TRAPPC9: variants seen among roughly 807,000 people sequenced by gnomAD.
The protein encoded by TRAPPC9 is IKK2 binding protein.
Under a neutral mutation model 124.0 loss-of-function variants are expected in TRAPPC9, and 83 were observed. That is an observed-to-expected ratio of 0.67 (90% CI 0.56 to 0.80). TRAPPC9 has a LOEUF of 0.80. TRAPPC9 is among the 30% of genes least tolerant of loss of function. The pLI is 0.00. For missense variants in TRAPPC9, 1,302 were observed against 1,508.3 expected (o/e 0.86, Z 2.27); for synonymous variants, 638 against 617.5 (o/e 1.03, Z -0.49).
At chr8:140,034,175 G>A (rs1840732622) in intron 17 of TRAPPC9, among the ~76,000 whole-genome samples, 1 of 152,078 alleles carries the variant, frequency 6.6e-6, no homozygotes, top group Admixed American at 6.5e-5. Context: ...CACAAGACTT[G>A]GCACAAAGCA....
chr8:140,354,245 C>T (rs2067672929), intron 9 of TRAPPC9, among the ~76,000 whole-genome samples: 1 of 152,186 alleles, frequency 6.6e-6, no homozygotes, highest in African/African-American at 2.4e-5. Flanking sequence ...TTTGCATGCA[C>T]AACCCATGAG....
At chr8:139,800,549 C>T (rs1035050113) in intron 21 of TRAPPC9, among the ~76,000 whole-genome samples, 2 of 152,216 alleles carry the variant, frequency 1.3e-5, no homozygotes, top group African/African-American at 4.8e-5. Context: ...AGAGCAAGTG[C>T]CCCTCCCGGG....
At chr8:140,184,669 G>A (rs975768112) in intron 17 of TRAPPC9, among the ~76,000 whole-genome samples, 3 of 151,982 alleles carry the variant, frequency 2.0e-5, no homozygotes, top group East Asian at 3.9e-4. Context: ...GGCTGGCCTC[G>A]ACCTCCTGAC....
chr8:140,407,150 A>C (rs954659931), intron 5 of TRAPPC9, among the ~76,000 whole-genome samples: 4 of 152,212 alleles, frequency 2.6e-5, no homozygotes, highest in Admixed American at 6.5e-5. Flanking sequence ...CCATCTCTGC[A>C]GGGGAGGAGA....
Position 139,962,265 on chromosome 8 carries a change from G to A in TRAPPC9, c.2810+26461C>T, listed in dbSNP as rs890670657. 1.2e-4 allele frequency among the ~76,000 whole-genome samples: 15 copies of A among 124,324 alleles called. 6 individuals carry two copies. Among genetic ancestry groups the A allele is most frequent in the Non-Finnish European group, 2.1e-4 (11 of 52,236 alleles). The allele number at this position is 124,324 out of a possible 152,430, so 81.6% of individuals were successfully genotyped here. A position where few individuals can be genotyped will look rare whatever the true frequency, so the allele number is the denominator to read the frequency against. On this transcript the variant is annotated intron_variant, in intron 19 of 22. Coordinates refer to ENST00000438773, the MANE Select transcript of TRAPPC9 (RefSeq NM_001160372.4). Reference sequence around the variant, plus strand: ...CGCAGAGATTTCCGGGAAGAAAATCGGCACTCCAAAGATCCCAAGATCCCA... The same window carrying A: ...CGCAGAGATTTCCGGGAAGAAAATCAGCACTCCAAAGATCCCAAGATCCCA...
chr8:140,313,527 C>T (rs890452168), intron 9 of TRAPPC9, among the ~76,000 whole-genome samples: 2 of 152,182 alleles, frequency 1.3e-5, no homozygotes, highest in African/African-American at 4.8e-5. Flanking sequence ...CGTGTTTGTG[C>T]TTTAGGTCTG....
chr8:140,128,539 C>T (rs1449108568), intron 17 of TRAPPC9, among the ~76,000 whole-genome samples: 1 of 152,220 alleles, frequency 6.6e-6, no homozygotes, highest in Non-Finnish European at 1.5e-5. Flanking sequence ...CTGGGTGAGG[C>T]AAATTCATTC....
intron 12 of TRAPPC9, among the ~76,000 whole-genome samples, chr8:140,288,400 G>C (rs1370783310): frequency 2.0e-5 from 3 of 152,226 alleles, no homozygotes; most frequent in Non-Finnish European, 4.4e-5. Context: ...ACATCTGTGA[G>C]TTATCAACTT....
At chr8:139,765,632 C>T (rs574197195) in intron 21 of TRAPPC9, among the ~76,000 whole-genome samples, 247 of 152,250 alleles carry the variant, frequency 1.6e-3, no homozygotes, top group African/African-American at 5.3e-3. Context: ...TGGCAGGCTC[C>T]AGAGGCCCTT....
At chr8:140,139,673 C>T (rs1286117357) in intron 17 of TRAPPC9, among the ~76,000 whole-genome samples, 10 of 152,084 alleles carry the variant, frequency 6.6e-5, no homozygotes, top group Non-Finnish European at 1.2e-4. Flanking sequence ...AAGTACTCAT[C>T]GTACAAAGCC....
chr8:140,271,671 C>T (rs2064887770), intron 15 of TRAPPC9, among the ~76,000 whole-genome samples: 1 of 152,184 alleles, frequency 6.6e-6, no homozygotes, highest in Non-Finnish European at 1.5e-5. Flanking sequence ...CGGGGAAAAG[C>T]AAATTGAAAC....
intron 21 of TRAPPC9, among the ~76,000 whole-genome samples, chr8:139,838,693 C>T (rs934491065): frequency 1.3e-5 from 2 of 152,212 alleles, no homozygotes; most frequent in African/African-American, 4.8e-5. Context: ...AGGAGGCCTG[C>T]CAGCCTCTGG....
chr8:140,110,216 T>A lies in TRAPPC9; in HGVS notation c.2557-86137A>T, dbSNP rs2060739165. On this transcript the variant is annotated intron_variant, in intron 17 of 22. Transcript: ENST00000438773. ...CAGCTCCCCCATGCACCCCCTGTGG[T>A]AGCTCCCCCTACAGCAGCTCCCCCT... Among the ~76,000 whole-genome samples, 4 of 103,540 alleles carry A rather than the reference T, an allele frequency of 3.9e-5. No homozygotes were observed. In the Admixed American group the frequency reaches 4.0e-4, roughly 10 times the overall value. 67.9% of individuals were successfully genotyped at this position (103,540 alleles called of 152,430 possible). A position where few individuals can be genotyped will look rare whatever the true frequency, so the allele number is the denominator to read the frequency against.
intron 10 of TRAPPC9, among the ~76,000 whole-genome samples, chr8:140,303,973 C>A (rs2131842901): frequency 6.6e-6 from 1 of 152,300 alleles, no homozygotes. Context: ...AATTTACTCA[C>A]CAATGTAGAC....
At position 139,898,844 on chromosome 8, in the gene TRAPPC9, G is replaced by T. The variant is rs1251825900; in HGVS notation, c.2964+11303C>A. On this transcript the variant is annotated intron_variant, in intron 20 of 22. Transcript: ENST00000438773. The stretch of plus-strand genomic sequence containing the variant: ...CATTGAAAAAACAGAAACAGGCCGG[G>T]TGCAGTGGCTCATGCCTGTAATCCC... 3.3e-5 allele frequency among the ~76,000 whole-genome samples: 5 copies of T among 152,306 alleles called. No homozygotes were observed. In the East Asian group the frequency reaches 9.6e-4, roughly 29 times the overall value.
At chr8:140,078,579 C>G (rs999859743) in intron 17 of TRAPPC9, among the ~76,000 whole-genome samples, 3 of 152,100 alleles carry the variant, frequency 2.0e-5, no homozygotes, top group African/African-American at 7.2e-5. Flanking sequence ...ATTCTAGGAA[C>G]TGAAGGCAGT....
At chr8:139,780,827 AAAAC>A (rs1197591701) in intron 21 of TRAPPC9, among the ~76,000 whole-genome samples, 3 of 152,204 alleles carry the variant, frequency 2.0e-5, no homozygotes, top group East Asian at 1.9e-4. Flanking sequence ...CAATGATAAG[AAAAC>A]AAACAATCTG....
At chr8:139,896,748 C>G (rs974275004) in intron 20 of TRAPPC9, among the ~76,000 whole-genome samples, 2 of 152,238 alleles carry the variant, frequency 1.3e-5, no homozygotes, top group Non-Finnish European at 2.9e-5. Flanking sequence ...TGCCAAGGCC[C>G]TGCAGTTGGC....
At chr8:140,314,212 G>GA (rs1413152578) in intron 9 of TRAPPC9, among the ~76,000 whole-genome samples, 3 of 152,184 alleles carry the variant, frequency 2.0e-5, no homozygotes, top group African/African-American at 7.2e-5. Flanking sequence ...ATTGCCCTGT[G>GA]AAACTCCAGT....
Sources: allele counts gnomAD v4.1 joint callset (sites outside exome capture counted in the v4.1 genomes callset), GRCh38; gene constraint gnomAD v4.1.1; transcripts MANE v1.5; gene names NCBI Gene and HGNC (gene_info 2026-07-23, HGNC 2026-07-21).